The following PITPNB variants were observed in gnomAD, a reference collection of about 807,000 sequenced individuals.
PITPNB encodes the protein phosphatidylinositol transfer protein beta isoform.
PITPNB carries 16 observed loss-of-function variants against 45.9 expected under a neutral mutation model. The observed-to-expected ratio is 0.35, with a 90% confidence interval of 0.24 to 0.53. The LOEUF (loss-of-function observed/expected upper bound fraction) is 0.53. Ranked by LOEUF, PITPNB falls within the 20% of genes least tolerant of loss-of-function variation. PITPNB has a pLI of 0.93. For missense variants in PITPNB, 188 were observed against 330.5 expected, an observed-to-expected ratio of 0.57 and a Z score of 3.34; for synonymous variants, 112 against 108.9, an observed-to-expected ratio of 1.03 and a Z score of -0.18.
chr22:27,862,073 C>A (rs948054439), intron 8 of PITPNB, among the ~76,000 whole-genome samples: 1 of 152,128 alleles, frequency 6.6e-6, no homozygotes, highest in Non-Finnish European at 1.5e-5. Context: ...CACGGTGGTG[C>A]CCAGACTTCA....
intron 4 of PITPNB, 105 bp downstream of exon 4, chr22:27,897,696 A>G (rs1935474798): frequency 1.3e-6 from 1 of 784,032 alleles, no homozygotes; most frequent in African/African-American, 1.7e-5. Flanking sequence ...CCAAGAACCC[A>G]AGGAAGACCT....
At chr22:27,891,090 C>T (rs142975238) in intron 7 of PITPNB, among the ~76,000 whole-genome samples, 1,594 of 152,248 alleles carry the variant, frequency 0.01, 20 homozygotes, top group South Asian at 0.017. Context: ...AATCAGGGAA[C>T]GACTGTTCAT....
chr22:27,894,038 A>T (rs1379123387), intron 7 of PITPNB: 2 of 152,270 alleles, frequency 1.3e-5, no homozygotes, highest in Non-Finnish European at 1.5e-5. Context: ...ATAGGATTCA[A>T]AATAGAAAGC....
At chr22:27,862,184 A>G (rs555694156) in intron 8 of PITPNB, among the ~76,000 whole-genome samples, 1 of 152,308 alleles carries the variant, frequency 6.6e-6, no homozygotes, top group Non-Finnish European at 1.5e-5. Flanking sequence ...GCTGCGTGTG[A>G]GCAAAGATTC....
chr22:27,856,374 G>GC (rs1789177133), intron 10 of PITPNB, among the ~76,000 whole-genome samples: 2 of 152,192 alleles, frequency 1.3e-5, no homozygotes, highest in African/African-American at 4.8e-5. Flanking sequence ...GCACCTGCAG[G>GC]CCCACTGCCA....
At chr22:27,858,773 G>A (rs1334150290) in intron 9 of PITPNB, among the ~76,000 whole-genome samples, 3 of 152,016 alleles carry the variant, frequency 2.0e-5, no homozygotes, top group African/African-American at 4.8e-5. Context: ...AAAAAAATGC[G>A]GTGTGTATGA....
In PITPNB at chr22:27,858,522, C is replaced by T. The variant is rs1401674354; in HGVS notation, c.646-13G>A. On this transcript the variant is annotated splice_polypyrimidine_tract_variant and intron_variant, in intron 9 of 11. Transcript: ENST00000335272. The stretch of plus-strand genomic sequence containing the variant: ...TCCGTTTTTCTTGCTTTTAAAACAA[C>T]AACAAAAAAGTAGCATAAGATGACA... 21 of 1,600,574 alleles carry T rather than the reference C, an allele frequency of 1.3e-5. No individual in the cohort carries two copies. In the African/African-American group the frequency reaches 2.7e-4, roughly 21 times the overall value.
chr22:27,853,749 T>C, intron 11 of PITPNB, 86 bp from the exon 12 acceptor site: 1 of 923,236 alleles, frequency 1.1e-6, no homozygotes, highest in Non-Finnish European at 1.7e-6. Context: ...ACTCTCCAAA[T>C]GCATCAAAAC....
chr22:27,866,782 T>C (rs932785291), intron 8 of PITPNB, among the ~76,000 whole-genome samples: 1 of 152,178 alleles, frequency 6.6e-6, no homozygotes, highest in South Asian at 2.1e-4. Context: ...TTAGGCAATG[T>C]GAATGCTTAA....
intron 3 of PITPNB, among the ~76,000 whole-genome samples, chr22:27,901,753 G>A (rs1424950146): frequency 6.6e-6 from 1 of 152,036 alleles, no homozygotes; most frequent in Non-Finnish European, 1.5e-5. Flanking sequence ...ACATGGTGGC[G>A]GGTGCCTACA....
chr22:27,879,051 T>C (rs1257030300), intron 7 of PITPNB, among the ~76,000 whole-genome samples: 1 of 152,066 alleles, frequency 6.6e-6, no homozygotes, highest in East Asian at 1.9e-4. Flanking sequence ...TTTGGTAATC[T>C]TTCTGATCTC....
At chr22:27,873,881 A>T (rs924195635) in intron 7 of PITPNB, 66 bp from the exon 8 acceptor site, 47 of 1,043,838 alleles carry the variant, frequency 4.5e-5, no homozygotes, top group African/African-American at 1.2e-4. Context: ...CCGTGCCAGA[A>T]TAGCTCTTCG....
intron 7 of PITPNB, among the ~76,000 whole-genome samples, chr22:27,885,211 C>CAAAAAAAAAAAAAAAAA (rs1569019250): frequency 5.0e-5 from 1 of 19,896 alleles, no homozygotes; most frequent in African/African-American, 2.5e-4. Flanking sequence ...AAATTTATAC[C>CAAAAAAAAAAAAAAAAA]TAAAAAAAAA....
intron 1 of PITPNB, 160 bp downstream of exon 1, chr22:27,919,012 G>T (rs1181169150): frequency 9.6e-7 from 1 of 1,046,188 alleles, no homozygotes; most frequent in Non-Finnish European, 1.5e-6. Context: ...GGGCGCACTC[G>T]CTGAGGGGCT....
In PITPNB at chr22:27,910,971, G is replaced by A; in HGVS notation, c.190C>T (p.Leu64=). 1.2e-6 allele frequency: 2 copies of A among 1,612,958 alleles called. No individual in the cohort carries two copies. The highest frequency in any genetic ancestry group is 1.7e-6 in the Non-Finnish European group (2 of 1,179,036). ...AATGTGAACACCGCTTACCTCTTTAGGTGATAAATTTTGTGCGTATACTGT... is the reference window on the plus strand; with the variant it reads ...AATGTGAACACCGCTTACCTCTTTAAGTGATAAATTTTGTGCGTATACTGT... ...KGQYTHKIYH[L]KSKVPAFVRM... The change falls in exon 3 of 12, where the codon CTA becomes TTA. Residue 64 remains leucine (L), a synonymous_variant. Transcript: ENST00000335272.
chr22:27,912,972 G>A (rs1935972020), intron 2 of PITPNB, among the ~76,000 whole-genome samples: 1 of 106,810 alleles, frequency 9.4e-6, no homozygotes, highest in African/African-American at 3.7e-5. Flanking sequence ...GATAGAGCAA[G>A]ACTCCATCTC....
chr22:27,917,005 T>C (rs1490743536), intron 1 of PITPNB, among the ~76,000 whole-genome samples: 1 of 152,148 alleles, frequency 6.6e-6, no homozygotes, highest in Non-Finnish European at 1.5e-5. Context: ...CTAGATGCTG[T>C]GCTAGATACC....
At chr22:27,888,123 A>C (rs1935176971) in intron 7 of PITPNB, among the ~76,000 whole-genome samples, 1 of 152,254 alleles carries the variant, frequency 6.6e-6, no homozygotes, top group Non-Finnish European at 1.5e-5. Flanking sequence ...AAATGGAAGC[A>C]TATTATACAT....
intron 7 of PITPNB, among the ~76,000 whole-genome samples, chr22:27,889,101 C>A (rs1242566655): frequency 1.3e-5 from 2 of 152,190 alleles, no homozygotes; most frequent in Non-Finnish European, 2.9e-5. Context: ...GACAAGCAAG[C>A]ACAACTGCGC....
Sources: gnomAD v4.1 joint callset for allele counts (sites outside exome capture counted in the v4.1 genomes callset) on GRCh38, gnomAD v4.1.1 for gene constraint, MANE v1.5 for transcripts, NCBI Gene and HGNC (gene_info 2026-07-23, HGNC 2026-07-21) for gene names.